Variants in FPGT observed in about 807,000 individuals in gnomAD.
FPGT encodes fucose-1-phosphate guanylyltransferase.
Under a neutral mutation model 45.8 loss-of-function variants are expected in FPGT, and 41 were observed. The observed-to-expected ratio is 0.90, with a 90% CI of 0.70 to 1.16. The LOEUF (loss-of-function observed/expected upper bound fraction) is 1.16, where lower values mean the gene tolerates loss of function less well. FPGT is among the 50% of genes most tolerant of loss of function. The pLI is 0.00. For missense variants in FPGT, 755 were observed against 689.1 expected, an observed-to-expected ratio of 1.10 and a Z score of -1.07; for synonymous variants, 292 against 247.2, an observed-to-expected ratio of 1.18 and a Z score of -1.70.
At position 74,205,623 on chromosome 1, in the gene FPGT, C is replaced by T. The variant is rs780896230; in HGVS notation, c.1576C>T (p.Arg526Cys). The T allele has an allele frequency of 1.1e-5, 18 of 1,611,374 alleles. No homozygotes were observed. Among genetic ancestry groups the T allele is most frequent in the East Asian group, 1.1e-4 (5 of 44,876 alleles). The change falls in exon 4 of 4, where the codon CGC becomes TGC. Residue 526 changes from arginine to cysteine, a missense_variant. Arg to Cys is a radical substitution (Grantham distance 180, BLOSUM62 -3). Transcript: ENST00000370898. ...GACATGTCTGAGTTTGTGGACTGCA[C>T]GCATTTTCCCAGTTTGTTCTTCTTT... ...NKTCLSLWTA[R>C]IFPVCSSLSD...
In FPGT at chr1:74,204,840, TCTGA is replaced by T. The variant is rs1431871092; in HGVS notation, c.796_799del (p.Asp266MetfsTer25). On this transcript the variant is annotated frameshift_variant, in exon 4 of 4. Coordinates refer to ENST00000370898, the MANE Select transcript of FPGT (RefSeq NM_003838.5). LOFTEE classifies it high-confidence loss of function. ...TGACATTGCCGATCTTAAATTAGAC[TCTGA>T]CTATGTCTACACAGATAGCCTATTT... The T allele has an allele frequency of 6.2e-7, 1 of 1,613,634 alleles. No homozygotes were observed. The highest frequency in any genetic ancestry group is 2.2e-5 in the East Asian group (1 of 44,862).
intron 2 of FPGT, 85 bp downstream of exon 2, chr1:74,199,916 A>C: frequency 7.0e-7 from 1 of 1,436,188 alleles, no homozygotes; most frequent in Non-Finnish European, 9.4e-7. Flanking sequence ...TACAGTGTAT[A>C]AGCTGCATAT....
rs767094085 is a variant in FPGT, at chr1:74,205,693, A to C, written c.1646A>C (p.Lys549Thr). ...ITSLKMLNAVKNKSAFSLNSY... is the reference protein window; with the variant it reads ...ITSLKMLNAVTNKSAFSLNSY... Reference sequence around the variant, plus strand: ...TCCCTAAAGATGTTAAATGCTGTTAAGAACAAGTCAGCATTCAGCCTGAAT... The same window carrying C: ...TCCCTAAAGATGTTAAATGCTGTTACGAACAAGTCAGCATTCAGCCTGAAT... The change falls in exon 4 of 4, where the codon AAG becomes ACG. Residue 549 changes from lysine (K) to threonine (T), a missense_variant. Coordinates refer to ENST00000370898, the MANE Select transcript of FPGT (RefSeq NM_003838.5). 160 of 1,612,296 alleles carry C rather than the reference A, an allele frequency of 9.9e-5. No homozygotes were observed. In the Admixed American group the frequency reaches 2.6e-3, roughly 27 times the overall value.
intron 1 of FPGT, among the ~76,000 whole-genome samples, chr1:74,199,455 A>C (rs1651559017): frequency 6.6e-6 from 1 of 152,232 alleles, no homozygotes; most frequent in African/African-American, 2.4e-5. Flanking sequence ...TAAAAGAAAA[A>C]AAAGGAACTT....
intron 3 of FPGT, among the ~76,000 whole-genome samples, chr1:74,202,401 C>T (rs1651878411): frequency 6.6e-6 from 1 of 151,746 alleles, no homozygotes; most frequent in African/African-American, 2.4e-5. Context: ...GGTTTGAAGC[C>T]TAAAAATGTG....
chr1:74,200,497 CTTTTTTTT>C (rs202228945), intron 2 of FPGT, among the ~76,000 whole-genome samples: 3 of 106,568 alleles, frequency 2.8e-5, no homozygotes, highest in African/African-American at 8.5e-5. Context: ...GTTATTATTT[CTTTTTTTT>C]TTTTTTTTTT....
At position 74,205,451 on chromosome 1, in the gene FPGT, T is replaced by G. The variant is rs753839745; in HGVS notation, c.1404T>G (p.Thr468=). The G allele has an allele frequency of 1.2e-6, 2 of 1,613,960 alleles. No homozygotes were observed. The highest frequency in any genetic ancestry group is 1.7e-6 in the Non-Finnish European group (2 of 1,179,802). The stretch of plus-strand genomic sequence containing the variant: ...TGAATAGATGCTTAAAGTATGCAAC[T>G]ATGGCATTTGGAGTGCAAGACAACT... ...LKMNRCLKYA[T]MAFGVQDNLK... Residue 468 remains threonine (T), a synonymous_variant, in exon 4 of 4, where the codon ACT becomes ACG. Transcript: ENST00000370898.
Position 74,204,848 on chromosome 1 carries a change from T to C in FPGT, c.801T>C (p.Tyr267=), listed in dbSNP as rs915899165. The C allele has an allele frequency of 1.9e-6, 3 of 1,613,604 alleles. No individual in the cohort carries two copies. The highest frequency in any genetic ancestry group is 1.3e-5 in the African/African-American group (1 of 74,924). The part of the protein sequence containing the change: ...DIADLKLDSD[Y]VYTDSLFYMD... ...CCGATCTTAAATTAGACTCTGACTA[T>C]GTCTACACAGATAGCCTATTTTATA... The change falls in exon 4 of 4, where the codon TAT becomes TAC. Residue 267 remains tyrosine, a synonymous_variant. Transcript: ENST00000370898.
chr1:74,201,425 T>C lies in FPGT; in HGVS notation c.343+15T>C, dbSNP rs112678107. The stretch of plus-strand genomic sequence containing the variant: ...AATTCACTCTGGTAATGTTATACTT[T>C]ACTAATTTACATTTTCTTTTTAGTC... On this transcript the variant is annotated intron_variant, in intron 3 of 3. Transcript: ENST00000370898. The C allele has an allele frequency of 2.4e-5, 36 of 1,529,724 alleles. No individual in the cohort carries two copies. The African/African-American group carries it at 2.6e-4, about 11-fold the overall frequency. 94.8% of individuals were successfully genotyped at this position (1,529,724 alleles called of 1,614,324 possible).
chr1:74,200,268 TA>T (rs1203203797), intron 2 of FPGT, among the ~76,000 whole-genome samples: 3 of 152,144 alleles, frequency 2.0e-5, no homozygotes, highest in African/African-American at 7.2e-5. Flanking sequence ...ATATAATACA[TA>T]TATTTGAAAA....
intron 3 of FPGT, among the ~76,000 whole-genome samples, chr1:74,203,533 A>C (rs1346119329): frequency 6.6e-6 from 1 of 151,694 alleles, no homozygotes; most frequent in Non-Finnish European, 1.5e-5. Context: ...CTGGGACCAC[A>C]GGCGCCCGCC....
At chr1:74,202,619 A>G (rs1254277207) in intron 3 of FPGT, among the ~76,000 whole-genome samples, 5 of 152,244 alleles carry the variant, frequency 3.3e-5, no homozygotes, top group East Asian at 3.9e-4. Context: ...TTGTTGAACA[A>G]TGTACTGTGT....
chr1:74,200,230 T>C (rs978566168), intron 2 of FPGT, among the ~76,000 whole-genome samples: 4 of 152,178 alleles, frequency 2.6e-5, no homozygotes, highest in African/African-American at 9.7e-5. Flanking sequence ...TAATGCAGAA[T>C]GCAAAAGAAC....
At position 74,205,685 on chromosome 1, in the gene FPGT, T is replaced by A; in HGVS notation, c.1638T>A (p.Asn546Lys). The change falls in exon 4 of 4, where the codon AAT (asparagine) becomes AAA (lysine). Residue 546 changes from asparagine to lysine, a missense_variant. By Grantham distance (94) the Asn-to-Lys change is moderately conservative (BLOSUM62 0). Coordinates refer to ENST00000370898, the MANE Select transcript of FPGT (RefSeq NM_003838.5). ...DSVITSLKML[N>K]AVKNKSAFSL... is the part of the protein sequence containing the mutation. ...TTATAACATCCCTAAAGATGTTAAATGCTGTTAAGAACAAGTCAGCATTCA... is the reference window on the plus strand; with the variant it reads ...TTATAACATCCCTAAAGATGTTAAAAGCTGTTAAGAACAAGTCAGCATTCA... The A allele has an allele frequency of 1.2e-6, 2 of 1,612,020 alleles. No homozygotes were observed. Among genetic ancestry groups the A allele is most frequent in the Non-Finnish European group, 1.7e-6 (2 of 1,178,114 alleles).
At chr1:74,198,864 A>C (rs961849423) in intron 1 of FPGT, among the ~76,000 whole-genome samples, 2 of 152,188 alleles carry the variant, frequency 1.3e-5, no homozygotes, top group Non-Finnish European at 2.9e-5. Flanking sequence ...ATGACACTTA[A>C]TCCCTGTACA....
rs1017347483 is a variant in FPGT, at chr1:74,207,625, T to A, written c.*1793T>A. On this transcript the variant is annotated 3_prime_UTR_variant, in exon 4 of 4. Transcript: ENST00000370898. The stretch of plus-strand genomic sequence containing the variant: ...TAGAAGATCGGACCTGTGATTCTAT[T>A]CAAAGTCAGAAAGAGATTTCTCACA... 5.3e-5 allele frequency among the ~76,000 whole-genome samples: 8 copies of A among 152,148 alleles called. No individual in the cohort carries two copies. Among genetic ancestry groups the A allele is most frequent in the Admixed American group, 3.9e-4 (6 of 15,268 alleles).
Position 74,201,531 on chromosome 1 carries a change from C to A in FPGT, c.343+121C>A, listed in dbSNP as rs565585068. 70 of 642,536 alleles carry A rather than the reference C, an allele frequency of 1.1e-4. No homozygotes were observed. The East Asian group carries it at 2.1e-3, about 19-fold the overall frequency. 39.8% of individuals were successfully genotyped at this position (642,536 alleles called of 1,614,324 possible). A position where few individuals can be genotyped will look rare whatever the true frequency, so the allele number is the denominator to read the frequency against. On this transcript the variant is annotated intron_variant, in intron 3 of 3. Transcript: ENST00000370898. ...TTTTAAAAGAATCTTTGAAGTTATT[C>A]TGCTTTGAAAACAAATATTTTATGA...
chr1:74,204,718 G>A lies in FPGT; in HGVS notation c.671G>A (p.Cys224Tyr). Residue 224 changes from cysteine (C) to tyrosine (Y), a missense_variant, in exon 4 of 4, where the codon TGC becomes TAC. Coordinates refer to ENST00000370898, the MANE Select transcript of FPGT (RefSeq NM_003838.5). ...LKHRDLEYRSCHRFLHKPSIE... is the reference protein window; with the variant it reads ...LKHRDLEYRSYHRFLHKPSIE... ...CATAGAGACCTTGAATACAGGTCTTGCCATCGTTTCCTTCATAAGCCCAGC... is the reference window on the plus strand; with the variant it reads ...CATAGAGACCTTGAATACAGGTCTTACCATCGTTTCCTTCATAAGCCCAGC... 6.2e-7 allele frequency: 1 copy of A among 1,613,764 alleles called. No homozygotes were observed. Among genetic ancestry groups the A allele is most frequent in the African/African-American group, 1.3e-5 (1 of 75,018 alleles).
In FPGT at chr1:74,205,376, A is replaced by C. The variant is rs747476637; in HGVS notation, c.1329A>C (p.Thr443=). The change falls in exon 4 of 4, where the codon ACA becomes ACC. Residue 443 remains threonine (T), a synonymous_variant. Coordinates refer to ENST00000370898, the MANE Select transcript of FPGT (RefSeq NM_003838.5). ...NCIISGSYIL[T]KAALPAHSFV... ...TTATTAGTGGTTCTTACATCCTAAC[A>C]AAAGCTGCCCTCCCCGCACATTCTT... 1.2e-6 allele frequency: 2 copies of C among 1,614,130 alleles called. No homozygotes were observed. The highest frequency in any genetic ancestry group is 1.7e-6 in the Non-Finnish European group (2 of 1,179,942).
Sources: allele counts gnomAD v4.1 joint callset (sites outside exome capture counted in the v4.1 genomes callset), GRCh38; gene constraint gnomAD v4.1.1; transcripts MANE v1.5; gene names NCBI Gene and HGNC (gene_info 2026-07-23, HGNC 2026-07-21).